The following NFIB variants were observed in gnomAD, a reference collection of about 807,000 sequenced individuals.
NFIB encodes nuclear factor I B.
NFIB carries 11 observed loss-of-function variants against 61.5 expected under a neutral mutation model. The ratio of observed to expected loss-of-function variants is 0.18; its 90% CI spans 0.11 to 0.30. The LOEUF is 0.30. Among genes scored for constraint, NFIB ranks in the 10% least tolerant of loss-of-function variants. The pLI is 1.00. For missense variants in NFIB, 471 were observed against 608.9 expected (o/e 0.77, Z 2.38); for synonymous variants, 260 against 216.5 (o/e 1.20, Z -1.76).
intron 10 of NFIB, among the ~76,000 whole-genome samples, chr9:14,106,658 C>T (rs1404336230): frequency 6.6e-6 from 1 of 152,084 alleles, no homozygotes; most frequent in Non-Finnish European, 1.5e-5. Context: ...GATCATTATC[C>T]TTTCCTAAAC....
chr9:14,331,877 T>G (rs1404135245), intron 1 of NFIB, among the ~76,000 whole-genome samples: 1 of 152,242 alleles, frequency 6.6e-6, no homozygotes, highest in African/African-American at 2.4e-5. Context: ...ATAAATATTT[T>G]CTGAATCTAT....
the NFIB span, among the ~76,000 whole-genome samples, chr9:14,509,743 T>A: frequency 6.6e-6 from 1 of 152,148 alleles, no homozygotes; most frequent in African/African-American, 2.4e-5. Context: ...AAAGATAGAA[T>A]AGGGTCAGAA....
intron 1 of NFIB, among the ~76,000 whole-genome samples, chr9:14,343,799 G>T: frequency 7.3e-6 from 1 of 136,544 alleles, no homozygotes; most frequent in Non-Finnish European, 1.5e-5. Context: ...GTGCCAAGAA[G>T]CAGAGAAAGG....
At chr9:14,242,606 C>A (rs1339897102) in intron 2 of NFIB, among the ~76,000 whole-genome samples, 2 of 152,204 alleles carry the variant, frequency 1.3e-5, no homozygotes, top group Non-Finnish European at 2.9e-5. Context: ...AGAAAGCAAG[C>A]ACTGTCTGCT....
rs544110377 is a variant in NFIB at position 14,251,260 on chromosome 9, T to C, written c.562+55729A>G. 2.6e-5 allele frequency among the ~76,000 whole-genome samples: 4 copies of C among 152,326 alleles called. No homozygotes were observed. In the South Asian group the frequency reaches 6.2e-4, roughly 24 times the overall value. ...AACCTCCCTCCAAGCTTTCATCTGA[T>C]TGCATACCAACACATAACGAAGGAC... On this transcript the variant is annotated intron_variant, in intron 2 of 10. Coordinates refer to ENST00000380953, the MANE Select transcript of NFIB (RefSeq NM_001190737.2).
chr9:14,127,974 C>A, intron 6 of NFIB, among the ~76,000 whole-genome samples: 2 of 148,240 alleles, frequency 1.3e-5, no homozygotes, highest in African/African-American at 4.9e-5. Context: ...TTCATAAAAC[C>A]ACAGCAATTA....
chr9:14,315,852 G>A (rs1052295941), upstream of NFIB, among the ~76,000 whole-genome samples: 2 of 151,850 alleles, frequency 1.3e-5, no homozygotes, highest in Non-Finnish European at 2.9e-5. Flanking sequence ...GAGCGCCTGG[G>A]GCTCCGAGTC....
chr9:14,234,436 C>A (rs2053530327), intron 2 of NFIB, among the ~76,000 whole-genome samples: 1 of 150,978 alleles, frequency 6.6e-6, no homozygotes. Flanking sequence ...GTGGCGGGAT[C>A]TCGGCTCACT....
intron 1 of NFIB, among the ~76,000 whole-genome samples, chr9:14,329,444 A>G (rs2060794577): frequency 6.6e-6 from 1 of 152,162 alleles, no homozygotes; most frequent in South Asian, 2.1e-4. Context: ...TTTGATGTCC[A>G]CATGCCAAAC....
At chr9:14,249,607 C>A (rs2055347681) in intron 2 of NFIB, among the ~76,000 whole-genome samples, 1 of 151,604 alleles carries the variant, frequency 6.6e-6, no homozygotes, top group Non-Finnish European at 1.5e-5. Flanking sequence ...TATTGCATAT[C>A]ATTGTGCATT....
the NFIB span, among the ~76,000 whole-genome samples, chr9:14,458,316 G>A: frequency 1.3e-5 from 2 of 152,206 alleles, no homozygotes; most frequent in South Asian, 2.1e-4. Flanking sequence ...AAATTCAACT[G>A]CCCTTCATGC....
chr9:14,213,573 T>C (rs2050537425), intron 2 of NFIB, among the ~76,000 whole-genome samples: 1 of 152,208 alleles, frequency 6.6e-6, no homozygotes, highest in Non-Finnish European at 1.5e-5. Flanking sequence ...GGGACCAAAC[T>C]TTGGGAACCA....
At chr9:14,219,248 T>C (rs1021984124) in intron 2 of NFIB, among the ~76,000 whole-genome samples, 1 of 152,120 alleles carries the variant, frequency 6.6e-6, no homozygotes, top group African/African-American at 2.4e-5. Flanking sequence ...TACCAGTATT[T>C]TCAACAAGAA....
the NFIB span, among the ~76,000 whole-genome samples, chr9:14,469,641 C>G: frequency 6.6e-6 from 1 of 152,206 alleles, no homozygotes. Flanking sequence ...ATTTAACTAG[C>G]TAGGTTTCCA....
chr9:14,402,874 T>C (rs936354470), upstream of NFIB, among the ~76,000 whole-genome samples: 1 of 152,160 alleles, frequency 6.6e-6, no homozygotes, highest in Non-Finnish European at 1.5e-5. Context: ...TTTTTAATAA[T>C]TTTTTAAAGC....
chr9:14,275,599 G>C (rs984706973), intron 2 of NFIB, among the ~76,000 whole-genome samples: 1 of 151,888 alleles, frequency 6.6e-6, no homozygotes, highest in Admixed American at 6.6e-5. Context: ...CACACCCAGG[G>C]GCTTATATCC....
intron 6 of NFIB, among the ~76,000 whole-genome samples, chr9:14,129,491 T>C (rs535155345): frequency 3.9e-5 from 6 of 151,934 alleles, no homozygotes; most frequent in Non-Finnish European, 7.4e-5. Flanking sequence ...ATAGAGTTTC[T>C]AGCTATTACA....
intron 6 of NFIB, among the ~76,000 whole-genome samples, chr9:14,137,878 T>TA (rs1289440897): frequency 3.3e-5 from 5 of 152,134 alleles, no homozygotes; most frequent in Non-Finnish European, 7.4e-5. Context: ...AAGGACTACA[T>TA]GCATGAATCT....
At chr9:14,320,466 TAG>T (rs1457739592) in intron 1 of NFIB, among the ~76,000 whole-genome samples, 1 of 152,250 alleles carries the variant, frequency 6.6e-6, no homozygotes, top group East Asian at 1.9e-4. Context: ...TTTTCAGCGC[TAG>T]AGCTTTCTCC....
Sources: allele counts gnomAD v4.1 joint callset (sites outside exome capture counted in the v4.1 genomes callset), GRCh38; gene constraint gnomAD v4.1.1; transcripts MANE v1.5; gene names NCBI Gene and HGNC (gene_info 2026-07-23, HGNC 2026-07-21).